The following TMEM276 variants were observed in gnomAD, a reference collection of about 807,000 sequenced individuals.
TMEM276 encodes the protein transmembrane protein 276.
chr8:144,465,195 T>G, the TMEM276 span: 2 of 1,299,116 alleles, frequency 1.5e-6, no homozygotes, highest in Non-Finnish European at 2.0e-6. Context: ...GGAGCCCAAG[T>G]GGGAGTGCGG....
At chr8:144,464,613 C>T in the TMEM276 span, 2 of 1,605,188 alleles carry the variant, frequency 1.2e-6, no homozygotes, top group Non-Finnish European at 1.7e-6. Context: ...CTCGACTTGC[C>T]TGTCAACACA....
the TMEM276 span, chr8:144,466,518 G>A: frequency 7.9e-7 from 1 of 1,271,646 alleles, no homozygotes; most frequent in South Asian, 2.2e-5. Flanking sequence ...ACCCCGCCCA[G>A]GTGAGCGGGG....
At chr8:144,464,832 G>A in the TMEM276 span, 22 of 1,612,694 alleles carry the variant, frequency 1.4e-5, no homozygotes, top group Non-Finnish European at 1.8e-5. Flanking sequence ...ACGGCTGCGT[G>A]CAGAGACACC....
the TMEM276 span, chr8:144,466,239 G>A: frequency 5.1e-6 from 1 of 194,940 alleles, no homozygotes. Context: ...GTCTCCAGGT[G>A]CGGCCGCGGG....
the TMEM276 span, chr8:144,463,924 C>T: frequency 1.0e-5 from 15 of 1,441,554 alleles, no homozygotes; most frequent in Non-Finnish European, 1.4e-5. Context: ...TGTCTGGGAC[C>T]CTGTCCCTTT....
chr8:144,464,907 C>T, the TMEM276 span: 3 of 1,611,160 alleles, frequency 1.9e-6, no homozygotes, highest in African/African-American at 1.3e-5. Context: ...GCCATGGCAC[C>T]TCAGGCGGCA....
the TMEM276 span, chr8:144,465,311 G>C: frequency 9.0e-7 from 1 of 1,109,636 alleles, no homozygotes; most frequent in Non-Finnish European, 1.1e-6. Flanking sequence ...TCCAGGAGGA[G>C]CGACGGCGCA....
At chr8:144,464,252 G>A in the TMEM276 span, 2 of 1,612,866 alleles carry the variant, frequency 1.2e-6, no homozygotes, top group Non-Finnish European at 1.7e-6. Flanking sequence ...AGCCGGCTCA[G>A]GAGGCCTGCC....
At chr8:144,466,429 T>C in the TMEM276 span, 2 of 1,338,428 alleles carry the variant, frequency 1.5e-6, no homozygotes, top group South Asian at 1.7e-5. Context: ...CATGTACGCC[T>C]TTTACTCGTT....
At chr8:144,464,969 C>T in the TMEM276 span, 2,388 of 1,575,910 alleles carry the variant, frequency 1.5e-3, 2 homozygotes, top group Non-Finnish European at 1.9e-3. Flanking sequence ...AGGAAGGAAG[C>T]GCAGAAGCCA....
chr8:144,464,498 C>T, the TMEM276 span: 1 of 1,612,314 alleles, frequency 6.2e-7, no homozygotes, highest in South Asian at 1.1e-5. Context: ...AGGCCGATGA[C>T]GGTGGCCACC....
At chr8:144,466,425 C>T in the TMEM276 span, 12 of 1,334,484 alleles carry the variant, frequency 9.0e-6, no homozygotes, top group Admixed American at 2.7e-5. Flanking sequence ...CTCCCATGTA[C>T]GCCTTTTACT....
At chr8:144,463,915 G>T in the TMEM276 span, 1 of 1,422,610 alleles carries the variant, frequency 7.0e-7, no homozygotes, top group Non-Finnish European at 9.1e-7. Flanking sequence ...CCCCAAACGT[G>T]TCTGGGACCC....
chr8:144,464,161 C>G, the TMEM276 span: 3 of 1,612,738 alleles, frequency 1.9e-6, no homozygotes, highest in South Asian at 2.2e-5. Context: ...ATGCAGGGCC[C>G]GGCAGTAAGC....
At chr8:144,466,689 C>T in the TMEM276 span, 1 of 1,301,072 alleles carries the variant, frequency 7.7e-7, no homozygotes, top group Admixed American at 2.7e-5. Context: ...TCCTCCGGCC[C>T]GGTTCGCGGA....
chr8:144,466,393 C>A, the TMEM276 span: 3 of 1,061,860 alleles, frequency 2.8e-6, no homozygotes, highest in Non-Finnish European at 1.2e-6. Context: ...CGGCGCGAAG[C>A]GGGGCCCTCT....
At chr8:144,464,536 G>A in the TMEM276 span, 709 of 1,612,170 alleles carry the variant, frequency 4.4e-4, 8 homozygotes, top group East Asian at 0.015. Flanking sequence ...GTCTTCGTGT[G>A]TGCTCAGCCC....
At chr8:144,466,610 G>T in the TMEM276 span, 1 of 847,810 alleles carries the variant, frequency 1.2e-6, no homozygotes, top group Non-Finnish European at 1.6e-6. Flanking sequence ...CACGGGGCGC[G>T]GGGCGACGGG....
chr8:144,466,881 G>A, the TMEM276 span: 4 of 1,539,478 alleles, frequency 2.6e-6, no homozygotes, highest in Non-Finnish European at 3.5e-6. Context: ...GGCGGTGCCG[G>A]GACCTCCCAG....
Sources: allele counts gnomAD v4.1 joint callset, GRCh38; gene constraint gnomAD v4.1.1; transcripts MANE v1.5; gene names NCBI Gene and HGNC (gene_info 2026-07-23, HGNC 2026-07-21).